SEMA6A: variants seen among roughly 807,000 people sequenced by gnomAD.
SEMA6A encodes the protein semaphorin-6A.
A neutral mutation model predicts 96.8 loss-of-function variants in SEMA6A; 25 were observed. The observed-to-expected ratio is 0.26, with a 90% confidence interval of 0.19 to 0.36. The LOEUF (loss-of-function observed/expected upper bound fraction) is 0.36. SEMA6A is among the 10% of genes least tolerant of loss of function. The probability of loss-of-function intolerance (pLI) is 1.00; values close to 1 mark genes in which losing one functional copy is unlikely to be tolerated. For synonymous variants in SEMA6A, 612 were observed against 518.0 expected (o/e 1.18, Z -2.46); for missense variants, 1,363 against 1,323.1 (o/e 1.03, Z -0.47).
At chr5:116,498,197 A>T (rs578235028) in intron 3 of SEMA6A, among the ~76,000 whole-genome samples, 1 of 152,086 alleles carries the variant, frequency 6.6e-6, no homozygotes, top group East Asian at 1.9e-4. Flanking sequence ...AACAGAGGAG[A>T]TGGGGGGCTA....
chr5:116,492,535 C>A (rs1308713975), intron 6 of SEMA6A: 1 of 152,110 alleles, frequency 6.6e-6, no homozygotes, highest in Non-Finnish European at 1.5e-5. Flanking sequence ...AAAGACCCAG[C>A]CTGATTTTTG....
At position 116,502,207 on chromosome 5, in the gene SEMA6A, T is replaced by C. The variant is rs762183871; in HGVS notation, c.218+3A>G. The C allele has an allele frequency of 6.2e-7, 1 of 1,613,094 alleles. No homozygotes were observed. The highest frequency in any genetic ancestry group is 2.2e-5 in the East Asian group (1 of 44,852). ...AGGCAGACATGGGGAAAAGGCCCCT[T>C]ACCTAGCAGCAATGTAGAGGGTTCC... On this transcript the variant is annotated splice_donor_region_variant and intron_variant, in intron 3 of 18. Coordinates refer to ENST00000343348, the MANE Select transcript of SEMA6A (RefSeq NM_020796.5).
chr5:116,571,252 C>T (rs1228173249), intron 1 of SEMA6A, among the ~76,000 whole-genome samples: 1 of 152,082 alleles, frequency 6.6e-6, no homozygotes, highest in Non-Finnish European at 1.5e-5. Context: ...CCTATTTAAG[C>T]TTAGTTGTTA....
intron 4 of SEMA6A, among the ~76,000 whole-genome samples, chr5:116,497,067 A>G (rs1447430893): frequency 6.6e-6 from 1 of 152,254 alleles, no homozygotes; most frequent in East Asian, 1.9e-4. Flanking sequence ...CAATATTTTT[A>G]TAAAAGAAAT....
intron 1 of SEMA6A, among the ~76,000 whole-genome samples, chr5:116,552,511 GA>G (rs1426638469): frequency 6.6e-6 from 1 of 151,878 alleles, no homozygotes; most frequent in Non-Finnish European, 1.5e-5. Context: ...GCTAATAAAT[GA>G]AATACTCCGG....
At chr5:116,560,191 G>A (rs1202382699) in intron 1 of SEMA6A, among the ~76,000 whole-genome samples, 1 of 152,162 alleles carries the variant, frequency 6.6e-6, no homozygotes, top group African/African-American at 2.4e-5. Flanking sequence ...TCCTTCAATG[G>A]AGCCCAGCCT....
intron 18 of SEMA6A, among the ~76,000 whole-genome samples, chr5:116,464,139 G>A (rs1561472275): frequency 6.6e-6 from 1 of 152,210 alleles, no homozygotes; most frequent in African/African-American, 2.4e-5. Context: ...TTATTTATAT[G>A]TGATTAGAGC....
rs1023583397 is a variant in SEMA6A, at chr5:116,444,356, C to T, written c.*2257G>A. ...AAGTACTCAGGTCTGAAGGCAACCA[C>T]ACTGATTATGGAGGCTCCACTTTTT... On this transcript the variant is annotated 3_prime_UTR_variant, in exon 19 of 19. Transcript: ENST00000343348. 2.0e-5 allele frequency: 3 copies of T among 152,160 alleles called. No individual in the cohort carries two copies. The highest frequency in any genetic ancestry group is 7.2e-5 in the African/African-American group (3 of 41,432). The allele number at this position is 152,160 out of a possible 1,614,324, so 9.4% of individuals were successfully genotyped here. A position where few individuals can be genotyped will look rare whatever the true frequency, so the allele number is the denominator to read the frequency against.
At chr5:116,570,258 G>A (rs1210659229) in intron 1 of SEMA6A, among the ~76,000 whole-genome samples, 2 of 152,190 alleles carry the variant, frequency 1.3e-5, no homozygotes, top group Non-Finnish European at 2.9e-5. Flanking sequence ...TGCTCTTGCA[G>A]CACATTTTAA....
intron 18 of SEMA6A, among the ~76,000 whole-genome samples, chr5:116,452,715 C>T (rs1247984330): frequency 6.6e-6 from 1 of 152,202 alleles, no homozygotes; most frequent in Non-Finnish European, 1.5e-5. Context: ...GGATACTATT[C>T]CGTGCAAAGG....
Position 116,482,368 on chromosome 5 carries a change from T to A in SEMA6A, c.1094+76A>T. 2.7e-6 allele frequency: 4 copies of A among 1,497,220 alleles called. No individual in the cohort carries two copies. The Admixed American group carries it at 5.8e-5, about 22-fold the overall frequency. The allele number at this position is 1,497,220 out of a possible 1,614,324, so 92.7% of individuals were successfully genotyped here. ...ATGGAAGGCACTGGTGCGCAGTTCA[T>A]AGGATGTTCATTATCAGAGGTGCAA... is the stretch of plus-strand genomic sequence containing the variant. On this transcript the variant is annotated intron_variant, in intron 11 of 18. Coordinates refer to ENST00000343348, the MANE Select transcript of SEMA6A (RefSeq NM_020796.5).
At chr5:116,454,527 T>G (rs1408588504) in intron 18 of SEMA6A, among the ~76,000 whole-genome samples, 1 of 152,062 alleles carries the variant, frequency 6.6e-6, no homozygotes, top group Non-Finnish European at 1.5e-5. Flanking sequence ...CAGGGCCCGC[T>G]GTAATCCCTA....
intron 6 of SEMA6A, among the ~76,000 whole-genome samples, chr5:116,492,113 A>G (rs1757358051): frequency 6.6e-6 from 1 of 152,162 alleles, no homozygotes; most frequent in Non-Finnish European, 1.5e-5. Context: ...ATTTTATACC[A>G]ACCAAGAGCT....
At chr5:116,460,403 T>C (rs1431398051) in intron 18 of SEMA6A, among the ~76,000 whole-genome samples, 1 of 152,216 alleles carries the variant, frequency 6.6e-6, no homozygotes, top group Non-Finnish European at 1.5e-5. Context: ...TGGATTATTC[T>C]AGATTTCTAA....
At chr5:116,527,484 A>G (rs745936729) in intron 1 of SEMA6A, among the ~76,000 whole-genome samples, 15 of 152,206 alleles carry the variant, frequency 9.9e-5, no homozygotes, top group Non-Finnish European at 2.1e-4. Context: ...AGCACTTTCA[A>G]AACAATGATC....
At chr5:116,473,123 T>A (rs1442447536) in intron 16 of SEMA6A, 30 bp from the exon 17 acceptor site, 1 of 1,583,242 alleles carries the variant, frequency 6.3e-7, no homozygotes, top group East Asian at 2.3e-5. Flanking sequence ...AGAAGGTTAC[T>A]TAATGTTTTA....
rs1009637096 is a variant in SEMA6A at position 116,555,611 on chromosome 5, G to A, written c.-39+18574C>T. Among the ~76,000 whole-genome samples the A allele has an allele frequency of 2.6e-5, 4 of 152,164 alleles. No homozygotes were observed. The South Asian group carries it at 6.2e-4, about 24-fold the overall frequency. On this transcript the variant is annotated intron_variant, in intron 1 of 18. Coordinates refer to ENST00000343348, the MANE Select transcript of SEMA6A (RefSeq NM_020796.5). ...CCTAGCTACTTGGGAGGCTGAGGCAGGAGGACCATTTGAAGCCAGGAGTTC... is the reference window on the plus strand; with the variant it reads ...CCTAGCTACTTGGGAGGCTGAGGCAAGAGGACCATTTGAAGCCAGGAGTTC...
chr5:116,556,660 A>ATAACAC (rs1760619566), intron 1 of SEMA6A, among the ~76,000 whole-genome samples: 1 of 152,204 alleles, frequency 6.6e-6, no homozygotes, highest in African/African-American at 2.4e-5. Flanking sequence ...CTACTCTATC[A>ATAACAC]TAACACCCCT....
At chr5:116,491,643 G>T in intron 7 of SEMA6A, 97 bp downstream of exon 7, 1 of 885,756 alleles carries the variant, frequency 1.1e-6, no homozygotes, top group Non-Finnish European at 1.9e-6. Flanking sequence ...GAGAATCAAA[G>T]CACAACTGTG....
Sources: gnomAD v4.1 joint callset for allele counts (sites outside exome capture counted in the v4.1 genomes callset) on GRCh38, gnomAD v4.1.1 for gene constraint, MANE v1.5 for transcripts, NCBI Gene and HGNC (gene_info 2026-07-23, HGNC 2026-07-21) for gene names.